Variants in EML1 observed in about 807,000 individuals in gnomAD.
The protein encoded by EML1 is EMAP like 1.
In EML1, 27 loss-of-function variants were observed where a neutral mutation model predicts 110.4. The ratio of observed to expected loss-of-function variants is 0.24; its 90% CI spans 0.18 to 0.34. The LOEUF (loss-of-function observed/expected upper bound fraction) is 0.34, where lower values mean the gene tolerates loss of function less well. Ranked by LOEUF, EML1 falls within the 10% of genes least tolerant of loss-of-function variation. The pLI, the probability that EML1 is intolerant of heterozygous loss-of-function variation, is 1.00. For synonymous variants in EML1, 344 were observed against 385.8 expected, an observed-to-expected ratio of 0.89 and a Z score of 1.27; for missense variants, 741 against 1,030.9, an observed-to-expected ratio of 0.72 and a Z score of 3.85.
intron 1 of EML1, among the ~76,000 whole-genome samples, chr14:99,832,930 A>G (rs968532286): frequency 4.6e-5 from 7 of 152,134 alleles, no homozygotes; most frequent in Non-Finnish European, 7.3e-5. Flanking sequence ...CAAGGGGTAC[A>G]TGTGTCGGTT....
upstream of EML1, among the ~76,000 whole-genome samples, chr14:99,771,450 C>G (rs1280050665): frequency 6.6e-6 from 1 of 152,212 alleles, no homozygotes; most frequent in Non-Finnish European, 1.5e-5. Context: ...CGTGGATAAA[C>G]CACATTTGCC....
intron 1 of EML1, among the ~76,000 whole-genome samples, chr14:99,848,774 G>A (rs1489081122): frequency 2.0e-5 from 3 of 152,010 alleles, no homozygotes; most frequent in Non-Finnish European, 4.4e-5. Flanking sequence ...ACCAGCCTGG[G>A]CAACACAGTG....
chr14:99,931,555 T>C (rs1002063670), intron 17 of EML1, among the ~76,000 whole-genome samples: 1 of 152,152 alleles, frequency 6.6e-6, no homozygotes, highest in Non-Finnish European at 1.5e-5. Flanking sequence ...CTGATTTTCA[T>C]TTTGGGCCAA....
chr14:99,895,292 C>T (rs1337819303), intron 6 of EML1, among the ~76,000 whole-genome samples: 1 of 152,072 alleles, frequency 6.6e-6, no homozygotes, highest in East Asian at 1.9e-4. Context: ...TGTTCTTGAG[C>T]TCCTGGACTC....
intron 4 of EML1, among the ~76,000 whole-genome samples, chr14:99,882,293 T>C (rs2059398366): frequency 6.6e-6 from 1 of 152,184 alleles, no homozygotes; most frequent in Non-Finnish European, 1.5e-5. Context: ...AAAAAGTATT[T>C]TATACCTGAT....
At position 99,939,472 on chromosome 14, in the gene EML1, C is replaced by T. The variant is rs2060539774; in HGVS notation, c.2322+145C>T. On this transcript the variant is annotated intron_variant, in intron 21 of 21. Coordinates refer to ENST00000262233, the MANE Select transcript of EML1 (RefSeq NM_004434.3). This position sits in a 1 kb window ranked among gnomAD's most constrained non-coding sequence, Gnocchi z 4.2. Reference sequence around the variant, plus strand: ...GTGACTCTGTTCTTTGCGCCCTGAGCACTTCCAGCCGCCCTTAGGGAAACC... The same window carrying T: ...GTGACTCTGTTCTTTGCGCCCTGAGTACTTCCAGCCGCCCTTAGGGAAACC... 2.3e-6 allele frequency: 3 copies of T among 1,327,528 alleles called. No homozygotes were observed. The East Asian group carries it at 7.4e-5, about 33-fold the overall frequency. The allele number at this position is 1,327,528 out of a possible 1,614,324, so 82.2% of individuals were successfully genotyped here.
chr14:99,775,132 A>G (rs1454664446), intron 1 of EML1, among the ~76,000 whole-genome samples: 1 of 152,224 alleles, frequency 6.6e-6, no homozygotes, highest in African/African-American at 2.4e-5. Context: ...AGAGCATCAC[A>G]GCATCACAGC....
At chr14:99,881,632 C>T (rs553578162) in intron 4 of EML1, among the ~76,000 whole-genome samples, 4 of 144,618 alleles carry the variant, frequency 2.8e-5, no homozygotes, top group Non-Finnish European at 4.5e-5. Flanking sequence ...GATGGAGTCT[C>T]GCTCTGTCAC....
At position 99,737,935 on chromosome 14, in the gene EML1, G is replaced by A. The variant is rs2056988692; in HGVS notation, c.28+75G>A. On this transcript the variant is annotated intron_variant, in intron 1 of 10. Transcript: ENST00000554479. The stretch of plus-strand genomic sequence containing the variant: ...AGGCCGCCAGTCGCCGAGGGCACTG[G>A]GGCCCCCGCAGGCTGCAGGCAGCTG... 4 of 1,268,168 alleles carry A rather than the reference G, an allele frequency of 3.2e-6. No homozygotes were observed. The Admixed American group carries it at 7.1e-5, about 22-fold the overall frequency. 78.6% of individuals were successfully genotyped at this position (1,268,168 alleles called of 1,614,324 possible). A position where few individuals can be genotyped will look rare whatever the true frequency, so the allele number is the denominator to read the frequency against.
intron 1 of EML1, among the ~76,000 whole-genome samples, chr14:99,831,426 A>G (rs2058451107): frequency 6.6e-6 from 1 of 152,186 alleles, no homozygotes; most frequent in South Asian, 2.1e-4. Context: ...CGTTGGGCCC[A>G]CTGGCATCAC....
chr14:99,932,115 C>T (rs148602264), intron 17 of EML1, among the ~76,000 whole-genome samples: 174 of 152,272 alleles, frequency 1.1e-3, no homozygotes, highest in Middle Eastern at 3.4e-3. Flanking sequence ...AAGATTAGGG[C>T]CTCCTGGGCC....
chr14:99,852,031 T>G (rs2058817732), intron 2 of EML1, among the ~76,000 whole-genome samples: 1 of 152,250 alleles, frequency 6.6e-6, no homozygotes, highest in African/African-American at 2.4e-5. Flanking sequence ...CCTGTGGCTC[T>G]TGGGAATGAG....
At chr14:99,741,219 AGT>A (rs2057038218) in intron 1 of EML1, among the ~76,000 whole-genome samples, 4 of 152,140 alleles carry the variant, frequency 2.6e-5, no homozygotes. Context: ...AACCTGCAGA[AGT>A]GTTCAGCCAG....
intron 13 of EML1, among the ~76,000 whole-genome samples, chr14:99,912,054 C>T (rs968129325): frequency 6.6e-6 from 1 of 151,872 alleles, no homozygotes; most frequent in African/African-American, 2.4e-5. Context: ...CACCACCACA[C>T]CTGGCTAATT....
intron 1 of EML1, among the ~76,000 whole-genome samples, chr14:99,798,359 G>A (rs920040420): frequency 1.3e-5 from 2 of 150,874 alleles, no homozygotes; most frequent in African/African-American, 4.9e-5. Flanking sequence ...GATTAGAATT[G>A]GATATGTCAC....
chr14:99,939,358 C>T lies in EML1; in HGVS notation c.2322+31C>T. The T allele has an allele frequency of 6.2e-7, 1 of 1,613,602 alleles. No homozygotes were observed. Among genetic ancestry groups the T allele is most frequent in the Non-Finnish European group, 8.5e-7 (1 of 1,179,736 alleles). ...GGACTTGTTTCTTCACTAATCTTAT[C>T]CCCCATGGGGCATGCACGTACACCC... On this transcript the variant is annotated intron_variant, in intron 21 of 21. Coordinates refer to ENST00000262233, the MANE Select transcript of EML1 (RefSeq NM_004434.3). This position sits in a 1 kb window ranked among gnomAD's most constrained non-coding sequence, Gnocchi z 4.2.
intron 4 of EML1, among the ~76,000 whole-genome samples, chr14:99,881,535 C>T (rs1234022765): frequency 1.3e-5 from 2 of 151,764 alleles, no homozygotes; most frequent in Admixed American, 6.6e-5. Flanking sequence ...AAATATTAAC[C>T]TTTTCTGAGA....
chr14:99,845,630 CAA>C (rs1310153484), intron 1 of EML1, among the ~76,000 whole-genome samples: 10 of 152,296 alleles, frequency 6.6e-5, no homozygotes, highest in African/African-American at 2.4e-4. Context: ...AAGACTTACA[CAA>C]TATTTTTTTT....
intron 1 of EML1, among the ~76,000 whole-genome samples, chr14:99,811,483 A>G (rs2058078643): frequency 1.3e-5 from 2 of 151,728 alleles, no homozygotes. Flanking sequence ...CTTACAATAC[A>G]GTGAGCTAGG....
Sources: allele counts gnomAD v4.1 joint callset (sites outside exome capture counted in the v4.1 genomes callset), GRCh38; gene constraint gnomAD v4.1.1; non-coding constraint Gnocchi (gnomAD v3.1); transcripts MANE v1.5; gene names NCBI Gene and HGNC (gene_info 2026-07-23, HGNC 2026-07-21).